SUSD2: variants seen among roughly 807,000 people sequenced by gnomAD.
SUSD2 encodes sushi domain-containing protein 2.
SUSD2 carries 86 observed loss-of-function variants against 93.8 expected under a neutral mutation model. The observed-to-expected ratio is 0.92, with a 90% CI of 0.77 to 1.10. SUSD2 has a LOEUF of 1.10. Among genes scored for constraint, SUSD2 ranks in the 50% least tolerant of loss-of-function variants. SUSD2 has a pLI of 0.00. For missense variants in SUSD2, 1,060 were observed against 1,137.0 expected (o/e 0.93, Z 0.97); for synonymous variants, 483 against 485.0 (o/e 1.00, Z 0.05).
At position 24,187,840 on chromosome 22, in the gene SUSD2, C is replaced by T; in HGVS notation, c.2161C>T (p.Pro721Ser). Reference sequence around the variant, plus strand: ...CCAGCGTCGCATGCAGAGCCTGCAGCCAGGTGAGGGCGGGCAGGTGGGGGT... The same window carrying T: ...CCAGCGTCGCATGCAGAGCCTGCAGTCAGGTGAGGGCGGGCAGGTGGGGGT... ...LHQRRMQSLQ[P>S]VVSCGWLAPP... is the part of the protein sequence containing the mutation. Residue 721 changes from proline (P) to serine (S), a missense_variant, in exon 12 of 15, where the codon CCA becomes TCA. Physicochemically the swap from Pro to Ser is moderately conservative, Grantham distance 74. This residue lies in a region of SUSD2 where 973 missense variants were observed against 1,005.3 expected (regional missense o/e 0.97). Coordinates refer to ENST00000358321, the MANE Select transcript of SUSD2 (RefSeq NM_019601.4). 2 of 1,610,518 alleles carry T rather than the reference C, an allele frequency of 1.2e-6. No homozygotes were observed. The highest frequency in any genetic ancestry group is 1.1e-5 in the South Asian group (1 of 90,846).
intron 3 of SUSD2, 151 bp from the exon 4 acceptor site, chr22:24,183,985 C>T (rs1172886236): frequency 7.8e-6 from 6 of 767,034 alleles, no homozygotes; most frequent in Admixed American, 2.7e-5. Flanking sequence ...GCGGCCTCAG[C>T]GTCCTTTTCT....
In SUSD2 at chr22:24,186,269, G is replaced by A. The variant is rs114116736; in HGVS notation, c.1496G>A (p.Arg499His). The stretch of plus-strand genomic sequence containing the variant: ...CCCACCACCGCAGGCACGGAGACCC[G>A]TGGCACTGGGCTGACCGCAGTGGCC... Reference protein sequence around the residue: ...PGTMSNGTETRGTGLTAVAVQ... With the variant: ...PGTMSNGTETHGTGLTAVAVQ... Residue 499 changes from arginine (R) to histidine (H), a missense_variant, in exon 10 of 15, where the codon CGT becomes CAT. Arg to His is a conservative substitution (Grantham distance 29). Around this residue, in one of 2 missense-constraint regions of SUSD2, gnomAD observed 973 missense variants for 1,005.3 expected, o/e 0.97. Transcript: ENST00000358321. 30 of 1,613,498 alleles carry A rather than the reference G, an allele frequency of 1.9e-5. No homozygotes were observed. The African/African-American group carries it at 2.1e-4, about 11-fold the overall frequency.
chr22:24,184,307 A>G lies in SUSD2; in HGVS notation c.607+4A>G. 1.9e-6 allele frequency: 3 copies of G among 1,612,438 alleles called. No homozygotes were observed. In the East Asian group the frequency reaches 6.7e-5, roughly 36 times the overall value. On this transcript the variant is annotated splice_donor_region_variant and intron_variant, in intron 4 of 14. Coordinates refer to ENST00000358321, the MANE Select transcript of SUSD2 (RefSeq NM_019601.4). ...CTGTGGGGCTACGAGGAGACAGGTG[A>G]GGCCAGCTGAGGGCTGGGGTGGCAT...
At chr22:24,187,059 A>T (rs2148866467) in intron 10 of SUSD2, 143 bp from the exon 11 acceptor site, 1 of 1,099,832 alleles carries the variant, frequency 9.1e-7, no homozygotes, top group East Asian at 2.5e-5. Context: ...CATGGTCAGC[A>T]GAATTGGCCC....
At position 24,188,180 on chromosome 22, in the gene SUSD2, C is replaced by T; in HGVS notation, c.2341+45C>T. 1 of 1,596,102 alleles carries T rather than the reference C, an allele frequency of 6.3e-7. No homozygotes were observed. Among genetic ancestry groups the T allele is most frequent in the Middle Eastern group, 1.7e-4 (1 of 5,998 alleles). On this transcript the variant is annotated intron_variant, in intron 13 of 14. Coordinates refer to ENST00000358321, the MANE Select transcript of SUSD2 (RefSeq NM_019601.4). The surrounding 1 kb of genome is among the most constrained non-coding windows in gnomAD (Gnocchi z 4.7). The stretch of plus-strand genomic sequence containing the variant: ...ACACCTGCCTGCACCTGTCCCCACT[C>T]ACCACCCCAGAGAGCCCCCTCACTG...
At position 24,184,129 on chromosome 22, in the gene SUSD2, T is replaced by G. The variant is rs760729704; in HGVS notation, c.440-7T>G. Reference sequence around the variant, plus strand: ...GCCCTCACTCACCCCTCACCTCCCCTGCCCAGTGCACCCCAACAAAGTGTC... The same window carrying G: ...GCCCTCACTCACCCCTCACCTCCCCGGCCCAGTGCACCCCAACAAAGTGTC... On this transcript the variant is annotated splice_polypyrimidine_tract_variant and splice_region_variant and intron_variant, in intron 3 of 14. Transcript: ENST00000358321. 6.2e-7 allele frequency: 1 copy of G among 1,611,776 alleles called. No individual in the cohort carries two copies. Among genetic ancestry groups the G allele is most frequent in the East Asian group, 2.2e-5 (1 of 44,878 alleles).
intron 12 of SUSD2, 57 bp downstream of exon 12, chr22:24,187,900 C>T (rs1460673152): frequency 1.1e-5 from 18 of 1,604,600 alleles, no homozygotes; most frequent in Non-Finnish European, 1.5e-5. Context: ...CCCGGGGTGG[C>T]CAGATGTGTG....
chr22:24,185,238 G>A lies in SUSD2; in HGVS notation c.927G>A (p.Glu309=). The A allele has an allele frequency of 6.2e-7, 1 of 1,608,566 alleles. No individual in the cohort carries two copies. The highest frequency in any genetic ancestry group is 8.5e-7 in the Non-Finnish European group (1 of 1,179,920). Residue 309 remains glutamate (E), a synonymous_variant, in exon 6 of 15, where the codon GAG becomes GAA. Coordinates refer to ENST00000358321, the MANE Select transcript of SUSD2 (RefSeq NM_019601.4). ...LEDQLPNFLE[E]LPDCPCTLTQ... ...ATCAGCTGCCCAACTTCCTGGAGGAGCTGCCGGACTGCCCCTGCACCCTGA... is the reference window on the plus strand; with the variant it reads ...ATCAGCTGCCCAACTTCCTGGAGGAACTGCCGGACTGCCCCTGCACCCTGA...
intron 1 of SUSD2, among the ~76,000 whole-genome samples, chr22:24,182,080 A>G (rs1383710231): frequency 2.0e-5 from 3 of 152,132 alleles, no homozygotes; most frequent in Admixed American, 1.3e-4. Context: ...TGCGCCACCA[A>G]ATCCTTGGCC....
chr22:24,185,218 C>T lies in SUSD2; in HGVS notation c.907C>T (p.Leu303=), dbSNP rs2047353718. The T allele has an allele frequency of 6.2e-7, 1 of 1,610,466 alleles. No homozygotes were observed. The highest frequency in any genetic ancestry group is 1.1e-5 in the South Asian group (1 of 91,044). ...GGCCTGGGAGGAGCTGGAGGATCAGCTGCCCAACTTCCTGGAGGAGCTGCC... is the reference window on the plus strand; with the variant it reads ...GGCCTGGGAGGAGCTGGAGGATCAGTTGCCCAACTTCCTGGAGGAGCTGCC... The part of the protein sequence containing the change: ...CQAWEELEDQ[L]PNFLEELPDC... Residue 303 remains leucine (L), a synonymous_variant, in exon 6 of 15, where the codon CTG becomes TTG. Coordinates refer to ENST00000358321, the MANE Select transcript of SUSD2 (RefSeq NM_019601.4).
At position 24,187,314 on chromosome 22, in the gene SUSD2, T is replaced by C; in HGVS notation, c.1755T>C (p.Pro585=). Residue 585 remains proline, a synonymous_variant, in exon 11 of 15, where the codon CCT becomes CCC. Coordinates refer to ENST00000358321, the MANE Select transcript of SUSD2 (RefSeq NM_019601.4). Reference sequence around the variant, plus strand: ...TCCTGAGTGTGTCCGTCCTGCTGCCTGAGAAGTTCCTCACCCACACCCACG... The same window carrying C: ...TCCTGAGTGTGTCCGTCCTGCTGCCCGAGAAGTTCCTCACCCACACCCACG... ...GPFLSVSVLL[P]EKFLTHTHGL... 1 of 1,614,094 alleles carries C rather than the reference T, an allele frequency of 6.2e-7. No individual in the cohort carries two copies. Among genetic ancestry groups the C allele is most frequent in the Non-Finnish European group, 8.5e-7 (1 of 1,180,012 alleles).
chr22:24,184,985 G>C, intron 5 of SUSD2, 45 bp downstream of exon 5: 1 of 1,609,684 alleles, frequency 6.2e-7, no homozygotes, highest in Non-Finnish European at 8.5e-7. Flanking sequence ...GGGCCTCGCC[G>C]CCCGAGGCCC....
intron 1 of SUSD2, chr22:24,182,803 T>G (rs1008192739): frequency 4.0e-6 from 2 of 503,804 alleles, no homozygotes; most frequent in African/African-American, 1.9e-5. Context: ...GGATGCAGCT[T>G]TTTGCCTCTT....
rs535033894 is a variant in SUSD2, at chr22:24,184,271, T to C, written c.575T>C (p.Ile192Thr). 4.2e-5 allele frequency: 68 copies of C among 1,613,502 alleles called. No individual in the cohort carries two copies. In the South Asian group the frequency reaches 6.3e-4, roughly 15 times the overall value. The change falls in exon 4 of 15, where the codon ATC (isoleucine) becomes ACC (threonine). Residue 192 changes from isoleucine to threonine, a missense_variant. Physicochemically the swap from Ile to Thr is moderately conservative, Grantham distance 89. Around this residue, in one of 2 missense-constraint regions of SUSD2, gnomAD observed 973 missense variants for 1,005.3 expected, o/e 0.97. Coordinates refer to ENST00000358321, the MANE Select transcript of SUSD2 (RefSeq NM_019601.4). ...WHVKSLPTQT[I>T]TIELWGYEET... ...GTCAAGTCGCTGCCCACGCAGACCA[T>C]CACCATCGAACTGTGGGGCTACGAG...
At position 24,183,533 on chromosome 22, in the gene SUSD2, C is replaced by A. The variant is rs749618986; in HGVS notation, c.326C>A (p.Ser109Tyr). The change falls in exon 3 of 15, where the codon TCC becomes TAC. Residue 109 changes from serine (S) to tyrosine (Y), a missense_variant. Around this residue, in one of 2 missense-constraint regions of SUSD2, gnomAD observed 973 missense variants for 1,005.3 expected, o/e 0.97. Coordinates refer to ENST00000358321, the MANE Select transcript of SUSD2 (RefSeq NM_019601.4). ...ATCCAGACCCTCGGCCATGTGGACT[C>A]CTCCGGGCAAGTGCACTGTGTGTCA... ...DSIQTLGHVD[S>Y]SGQVHCVSPL... 1.9e-6 allele frequency: 3 copies of A among 1,613,304 alleles called. No individual in the cohort carries two copies. The highest frequency in any genetic ancestry group is 2.5e-6 in the Non-Finnish European group (3 of 1,180,000).
At position 24,184,288 on chromosome 22, in the gene SUSD2, G is replaced by A; in HGVS notation, c.592G>A (p.Gly198Ser). 2 of 1,613,384 alleles carry A rather than the reference G, an allele frequency of 1.2e-6. No individual in the cohort carries two copies. Among genetic ancestry groups the A allele is most frequent in the Non-Finnish European group, 1.7e-6 (2 of 1,179,968 alleles). Residue 198 changes from glycine (G) to serine (S), a missense_variant, in exon 4 of 15, where the codon GGC (glycine) becomes AGC (serine). Coordinates refer to ENST00000358321, the MANE Select transcript of SUSD2 (RefSeq NM_019601.4). ...GCAGACCATCACCATCGAACTGTGG[G>A]GCTACGAGGAGACAGGTGAGGCCAG... is the stretch of plus-strand genomic sequence containing the variant. ...PTQTITIELW[G>S]YEETGMPYSQ... is the part of the protein sequence containing the mutation.
chr22:24,187,134 T>C (rs2047371905), intron 10 of SUSD2, 68 bp from the exon 11 acceptor site: 2 of 1,564,504 alleles, frequency 1.3e-6, no homozygotes, highest in Admixed American at 1.7e-5. Context: ...GACCACCCTG[T>C]CCTGGGGCTG....
chr22:24,186,076 G>C lies in SUSD2; in HGVS notation c.1400G>C (p.Gly467Ala), dbSNP rs528893585. 1 of 1,612,830 alleles carries C rather than the reference G, an allele frequency of 6.2e-7. No homozygotes were observed. The highest frequency in any genetic ancestry group is 8.5e-7 in the Non-Finnish European group (1 of 1,179,772). ...GACGGCACCAACTTCACATTCAATG[G>C]GCGCGGAGAGTACGTGCTGCTGGAG... ...TFDGTNFTFN[G>A]RGEYVLLEAA... The change falls in exon 9 of 15, where the codon GGG (glycine) becomes GCG (alanine). Residue 467 changes from glycine to alanine, a missense_variant. Gly to Ala is a moderately conservative substitution (Grantham distance 60). Transcript: ENST00000358321.
At position 24,188,221 on chromosome 22, in the gene SUSD2, C is replaced by T. The variant is rs1279669355; in HGVS notation, c.2342-4C>T. 1 of 1,593,354 alleles carries T rather than the reference C, an allele frequency of 6.3e-7. No homozygotes were observed. The highest frequency in any genetic ancestry group is 1.3e-5 in the African/African-American group (1 of 74,628). On this transcript the variant is annotated splice_polypyrimidine_tract_variant and splice_region_variant and intron_variant, in intron 13 of 14. Transcript: ENST00000358321. The surrounding 1 kb of genome is among the most constrained non-coding windows in gnomAD (Gnocchi z 4.7). ...CCCCTCACTGACACTCGCTCCCTCA[C>T]CAGGACGCAGCTACGCGGTGCTGTT... is the stretch of plus-strand genomic sequence containing the variant.
Sources: gnomAD v4.1 joint callset for allele counts (sites outside exome capture counted in the v4.1 genomes callset) on GRCh38, gnomAD v4.1.1 for gene constraint, gnomAD v4.1.1 regional missense constraint, Gnocchi (gnomAD v3.1) non-coding constraint, MANE v1.5 for transcripts, NCBI Gene and HGNC (gene_info 2026-07-23, HGNC 2026-07-21) for gene names.